CASP4: variants seen among roughly 807,000 people sequenced by gnomAD.
The protein encoded by CASP4 is caspase 4, also known as caspase-4.
CASP4 carries 29 observed loss-of-function variants against 41.3 expected under a neutral mutation model. The ratio of observed to expected loss-of-function variants is 0.70; its 90% CI spans 0.52 to 0.96. The LOEUF (loss-of-function observed/expected upper bound fraction) is 0.96, where lower values mean the gene tolerates loss of function less well. CASP4 is among the 40% of genes least tolerant of loss of function. CASP4 has a pLI of 0.00. For synonymous variants in CASP4, 185 were observed against 158.4 expected, an observed-to-expected ratio of 1.17 and a Z score of -1.26; for missense variants, 447 against 460.6, an observed-to-expected ratio of 0.97 and a Z score of 0.27.
rs1860701265 is a variant in CASP4, at chr11:104,954,901, G to A, written c.108C>T (p.Asn36=). The A allele has an allele frequency of 1.2e-6, 2 of 1,613,478 alleles. No individual in the cohort carries two copies. Among genetic ancestry groups the A allele is most frequent in the Admixed American group, 1.7e-5 (1 of 59,910 alleles). The change falls in exon 2 of 9, where the codon AAC becomes AAT. Residue 36 remains asparagine (N), a synonymous_variant. Transcript: ENST00000444739. ...LDNLVEQNVL[N]WKEEEKKKYY... The stretch of plus-strand genomic sequence containing the variant: ...ATTTCTTTTTTTCCTCTTCCTTCCA[G>A]TTCAGTACATTTTGTTCCACCAAGT...
rs1350521469 is a variant in CASP4 at position 104,942,916 on chromosome 11, G to A, written c.*63C>T. ...ATACAAAATGTTAAATATGCAAGCT[G>A]TACTAATGAAGGTGCTCCTTGAAGT... On this transcript the variant is annotated 3_prime_UTR_variant, in exon 9 of 9. Coordinates refer to ENST00000444739, the MANE Select transcript of CASP4 (RefSeq NM_001225.4). 6.6e-6 allele frequency: 3 copies of A among 456,100 alleles called. No individual in the cohort carries two copies. The highest frequency in any genetic ancestry group is 2.0e-5 in the African/African-American group (1 of 50,176). The allele number at this position is 456,100 out of a possible 1,614,324, so 28.3% of individuals were successfully genotyped here. A position where few individuals can be genotyped will look rare whatever the true frequency, so the allele number is the denominator to read the frequency against.
chr11:104,947,056 A>G (rs780975200), intron 7 of CASP4, 27 bp downstream of exon 7: 2 of 1,407,792 alleles, frequency 1.4e-6, no homozygotes, highest in Middle Eastern at 3.5e-4. Context: ...GAAGAAATAA[A>G]TGAGTAACTA....
chr11:104,946,752 T>C (rs552684236), intron 7 of CASP4: 1 of 177,044 alleles, frequency 5.6e-6, no homozygotes, highest in Admixed American at 5.9e-5. Flanking sequence ...CAGGAGGAAA[T>C]CCATGACCTA....
chr11:104,947,447 G>C, intron 6 of CASP4: 1 of 249,828 alleles, frequency 4.0e-6, no homozygotes, highest in Non-Finnish European at 7.6e-6. Flanking sequence ...TTGATTCTTG[G>C]GATTGGCTTT....
At chr11:104,950,895 A>C in intron 4 of CASP4, 30 bp downstream of exon 4, 1 of 1,601,194 alleles carries the variant, frequency 6.2e-7, no homozygotes, top group Non-Finnish European at 8.5e-7. Context: ...TTGAATATGT[A>C]TGTGTTTGTG....
chr11:104,951,931 C>T lies in CASP4; in HGVS notation c.337G>A (p.Glu113Lys). ...TDALKLCPHE[E>K]FLRLCKERAE... ...CTTTCTTTACATAGTCTCAGGAATT[C>T]TTCATGAGGACAAAGCTTGAGGGCA... The change falls in exon 3 of 9, where the codon GAA (glutamate) becomes AAA (lysine). Residue 113 changes from glutamate to lysine, a missense_variant. By Grantham distance (56) the Glu-to-Lys change is moderately conservative. Coordinates refer to ENST00000444739, the MANE Select transcript of CASP4 (RefSeq NM_001225.4). 1 of 1,612,102 alleles carries T rather than the reference C, an allele frequency of 6.2e-7. No individual in the cohort carries two copies. Among genetic ancestry groups the T allele is most frequent in the Non-Finnish European group, 8.5e-7 (1 of 1,178,684 alleles).
chr11:104,951,967 C>T lies in CASP4; in HGVS notation c.301G>A (p.Glu101Lys). 2 of 1,612,830 alleles carry T rather than the reference C, an allele frequency of 1.2e-6. No homozygotes were observed. The highest frequency in any genetic ancestry group is 1.7e-5 in the Admixed American group (1 of 59,918). The stretch of plus-strand genomic sequence containing the variant: ...CAAAGCTTGAGGGCATCTGTAGATT[C>T]TCCTGACTCAGGTGGTCCAGCCTCC... ...NMEAGPPESGESTDALKLCPH... is the reference protein window; with the variant it reads ...NMEAGPPESGKSTDALKLCPH... The change falls in exon 3 of 9, where the codon GAA becomes AAA. Residue 101 changes from glutamate (E) to lysine (K), a missense_variant. Glu to Lys is a moderately conservative substitution (Grantham distance 56, BLOSUM62 1). Transcript: ENST00000444739.
intron 6 of CASP4, chr11:104,948,137 C>T (rs1243561512): frequency 1.3e-5 from 2 of 152,642 alleles, no homozygotes; most frequent in African/African-American, 4.8e-5. Flanking sequence ...TCATTTTCTA[C>T]TTGTTTTAAA....
At chr11:104,965,956 A>C (rs1484556751) in intron 1 of CASP4, among the ~76,000 whole-genome samples, 1 of 152,200 alleles carries the variant, frequency 6.6e-6, no homozygotes, top group Non-Finnish European at 1.5e-5. Context: ...CACAGCAAGA[A>C]AACCTCACTT....
At chr11:104,960,284 C>G (rs1190928987) in intron 1 of CASP4, among the ~76,000 whole-genome samples, 1 of 152,094 alleles carries the variant, frequency 6.6e-6, no homozygotes, top group Admixed American at 6.6e-5. Context: ...CTTCTAATTT[C>G]TTCTGGTTTT....
chr11:104,968,390 C>A, intron 1 of CASP4, 129 bp downstream of exon 1: 1 of 835,202 alleles, frequency 1.2e-6, no homozygotes, highest in Admixed American at 1.9e-5. Context: ...AAACTACACA[C>A]AATCAGTAAG....
rs1565364242 is a variant in CASP4 at position 104,948,591 on chromosome 11, A to ATC, written c.865_866dup (p.Asp289GlufsTer52). On this transcript the variant is annotated frameshift_variant, in exon 6 of 9. Coordinates refer to ENST00000444739, the MANE Select transcript of CASP4 (RefSeq NM_001225.4). LOFTEE classifies it high-confidence loss of function. ...TCTCCACGTGGGTCTTGTAAACAGC[A>ATC]TCTTCCTCTAGGTTCTCAGATGACT... 3 of 1,611,842 alleles carry ATC rather than the reference A, an allele frequency of 1.9e-6. No individual in the cohort carries two copies. Among genetic ancestry groups the ATC allele is most frequent in the Non-Finnish European group, 2.5e-6 (3 of 1,178,656 alleles).
chr11:104,943,581 T>G (rs999591857), intron 8 of CASP4: 1 of 152,416 alleles, frequency 6.6e-6, no homozygotes. Context: ...CTCCGGCCTG[T>G]GATATATTTA....
Position 104,961,384 on chromosome 11 carries a change from GTGTC to G in CASP4, c.8-6387_8-6384del, listed in dbSNP as rs55771801. 5.8e-3 allele frequency among the ~76,000 whole-genome samples: 888 copies of G among 152,280 alleles called. 9 individuals are homozygous for G. The highest frequency in any genetic ancestry group is 0.024 in the Middle Eastern group (7 of 294). On this transcript the variant is annotated intron_variant, in intron 1 of 8. Transcript: ENST00000444739. ...ACTGGTTCTGTGGCCCCATAGTGGG[GTGTC>G]TGTCTGTAGCCCCATTGCAGGGTGT...
chr11:104,947,007 C>T (rs1207674157), intron 7 of CASP4, 76 bp downstream of exon 7: 1 of 1,025,072 alleles, frequency 9.8e-7, no homozygotes, highest in African/African-American at 1.6e-5. Flanking sequence ...CAAAAATTGT[C>T]ATTGTGAAGT....
Position 104,944,732 on chromosome 11 carries a change from A to T in CASP4, c.*5+16T>A. 6.8e-7 allele frequency: 1 copy of T among 1,475,496 alleles called. No individual in the cohort carries two copies. Among genetic ancestry groups the T allele is most frequent in the African/African-American group, 1.4e-5 (1 of 72,128 alleles). The allele number at this position is 1,475,496 out of a possible 1,614,324, so 91.4% of individuals were successfully genotyped here. On this transcript the variant is annotated intron_variant, in intron 8 of 8. Coordinates refer to ENST00000444739, the MANE Select transcript of CASP4 (RefSeq NM_001225.4). ...TTATTTATTTCACATACCACCAACAACTCTCAATACTTAACCATTTTCAAT... is the reference window on the plus strand; with the variant it reads ...TTATTTATTTCACATACCACCAACATCTCTCAATACTTAACCATTTTCAAT...
intron 3 of CASP4, 193 bp downstream of exon 3, chr11:104,951,703 T>A: frequency 1.6e-6 from 1 of 612,566 alleles, no homozygotes; most frequent in Non-Finnish European, 3.0e-6. Context: ...CATGATAAAA[T>A]GATCTGCATC....
intron 4 of CASP4, 102 bp downstream of exon 4, chr11:104,950,823 C>T: frequency 9.5e-7 from 1 of 1,056,814 alleles, no homozygotes; most frequent in Admixed American, 2.2e-5. Context: ...CACACACACA[C>T]CCAAAGGTTG....
At chr11:104,968,492 C>T (rs193196983) in intron 1 of CASP4, 27 bp downstream of exon 1, 49 of 1,607,856 alleles carry the variant, frequency 3.0e-5, no homozygotes, top group Admixed American at 1.5e-4. Context: ...TTCCTACTCC[C>T]AAACTCCTAG....
Sources: gnomAD v4.1 joint callset for allele counts (sites outside exome capture counted in the v4.1 genomes callset) on GRCh38, gnomAD v4.1.1 for gene constraint, MANE v1.5 for transcripts, NCBI Gene and HGNC (gene_info 2026-07-23, HGNC 2026-07-21) for gene names.